The following LARP4B variants were observed in gnomAD, a reference collection of about 807,000 sequenced individuals.
The protein encoded by LARP4B is La ribonucleoprotein 4B.
Under a neutral mutation model 89.8 loss-of-function variants are expected in LARP4B, and 12 were observed. The observed-to-expected ratio is 0.13, with a 90% CI of 0.09 to 0.22. The LOEUF (loss-of-function observed/expected upper bound fraction) is 0.22, where lower values mean the gene tolerates loss of function less well. LARP4B is among the 10% of genes least tolerant of loss of function. LARP4B has a pLI of 1.00. For missense variants in LARP4B, 757 were observed against 947.7 expected (o/e 0.80, Z 2.64); for synonymous variants, 367 against 363.3 (o/e 1.01, Z -0.12).
At chr10:906,633 CA>C (rs1836500684) in intron 1 of LARP4B, among the ~76,000 whole-genome samples, 1 of 152,228 alleles carries the variant, frequency 6.6e-6, no homozygotes, top group South Asian at 2.1e-4. Flanking sequence ...TGTTCACAAC[CA>C]TATGCTCAGT....
At chr10:938,587 A>T in the LARP4B span, among the ~76,000 whole-genome samples, 1 of 152,196 alleles carries the variant, frequency 6.6e-6, no homozygotes, top group Admixed American at 6.5e-5. Context: ...GTGTAAGAGA[A>T]TGTCTTTTAT....
At chr10:875,971 A>C (rs1183097281) in intron 3 of LARP4B, among the ~76,000 whole-genome samples, 2 of 152,224 alleles carry the variant, frequency 1.3e-5, no homozygotes, top group African/African-American at 4.8e-5. Context: ...GTCTCATCTG[A>C]ATCAGATAGG....
chr10:975,314 T>C, the LARP4B span, among the ~76,000 whole-genome samples: 1 of 152,138 alleles, frequency 6.6e-6, no homozygotes, highest in Admixed American at 6.5e-5. Flanking sequence ...GATGCAGCAA[T>C]AGTGACATGT....
chr10:812,945 G>A lies in LARP4B; in HGVS notation c.2198C>T (p.Pro733Leu), dbSNP rs142589913. 1.9e-6 allele frequency: 3 copies of A among 1,549,778 alleles called. No homozygotes were observed. The highest frequency in any genetic ancestry group is 2.2e-5 in the East Asian group (1 of 44,510). The stretch of plus-strand genomic sequence containing the variant: ...CGGTTTTCACTGAGGAGACTTGGGG[G>A]GAGTGCTCTGCTCTCGGCTGAGACG... ...GKRLSREQSTPPKSPQ is the reference protein window; with the variant it reads ...GKRLSREQSTLPKSPQ The change falls in exon 18 of 18, where the codon CCC becomes CTC. Residue 733 changes from proline (P) to leucine (L), a missense_variant. By Grantham distance (98) the Pro-to-Leu change is moderately conservative (BLOSUM62 -3). Coordinates refer to ENST00000316157, the MANE Select transcript of LARP4B (RefSeq NM_015155.3).
At chr10:808,362 G>A (rs1346143974), downstream of LARP4B, 1 of 152,260 alleles carries the variant, frequency 6.6e-6, no homozygotes, top group Admixed American at 6.5e-5. Context: ...TAAGGACAAG[G>A]GAGAGGCTGG....
the LARP4B span, among the ~76,000 whole-genome samples, chr10:977,175 A>G: frequency 6.6e-6 from 1 of 152,112 alleles, no homozygotes; most frequent in African/African-American, 2.4e-5. Context: ...ATTTTTACAG[A>G]CAGGGTCTGG....
At chr10:905,467 GGA>G (rs1394201966) in intron 1 of LARP4B, among the ~76,000 whole-genome samples, 2 of 152,120 alleles carry the variant, frequency 1.3e-5, no homozygotes, top group Admixed American at 6.6e-5. Flanking sequence ...GTCAAGACAA[GGA>G]ATCTAAATAG....
At chr10:876,138 C>T (rs1835441646) in intron 3 of LARP4B, among the ~76,000 whole-genome samples, 1 of 152,184 alleles carries the variant, frequency 6.6e-6, no homozygotes, top group Non-Finnish European at 1.5e-5. Context: ...GTAATCCCAA[C>T]ACTTAGGGAG....
At chr10:828,670 A>G (rs1457214668) in intron 11 of LARP4B, among the ~76,000 whole-genome samples, 1 of 152,190 alleles carries the variant, frequency 6.6e-6, no homozygotes, top group African/African-American at 2.4e-5. Context: ...CTACCCTTCA[A>G]TCTCTCCAAT....
intron 15 of LARP4B, among the ~76,000 whole-genome samples, chr10:817,270 C>T (rs994092736): frequency 2.0e-5 from 3 of 152,222 alleles, no homozygotes; most frequent in Non-Finnish European, 2.9e-5. Flanking sequence ...CCTCGTGGGG[C>T]AGCCCAGACC....
the LARP4B span, among the ~76,000 whole-genome samples, chr10:957,128 A>G: frequency 6.6e-6 from 1 of 152,108 alleles, no homozygotes; most frequent in African/African-American, 2.4e-5. Flanking sequence ...CTTCCGGGGA[A>G]TCTGGTCCTT....
chr10:982,116 C>CTTTTTTTTTTT, the LARP4B span, among the ~76,000 whole-genome samples: 1 of 46,008 alleles, frequency 2.2e-5, no homozygotes, highest in Non-Finnish European at 4.3e-5. Flanking sequence ...TTCTTTCTTT[C>CTTTTTTTTTTT]TTTTTTTTTT....
intron 1 of LARP4B, among the ~76,000 whole-genome samples, chr10:931,072 A>C (rs1217336841): frequency 7.1e-6 from 1 of 141,646 alleles, no homozygotes; most frequent in African/African-American, 2.7e-5. Flanking sequence ...AGCTCCGTCG[A>C]CTCCCGCCTC....
intron 1 of LARP4B, chr10:903,635 GCACCTTGTAGAGTA>G (rs1836403896): frequency 6.6e-6 from 1 of 152,210 alleles, no homozygotes; most frequent in African/African-American, 2.4e-5. Flanking sequence ...CGTCAGGAAT[GCACCTTGTAGAGTA>G]CACCGCTTCA....
chr10:838,883 G>A (rs1425747676), intron 7 of LARP4B, among the ~76,000 whole-genome samples: 1 of 152,202 alleles, frequency 6.6e-6, no homozygotes, highest in Non-Finnish European at 1.5e-5. Flanking sequence ...GTGGGTAGAT[G>A]GATAAGCAAA....
intron 11 of LARP4B, among the ~76,000 whole-genome samples, chr10:828,886 T>C (rs2131655059): frequency 6.6e-6 from 1 of 152,294 alleles, no homozygotes; most frequent in African/African-American, 2.4e-5. Context: ...AGACAATGTC[T>C]AGATCCAGTA....
At chr10:965,220 T>C in the LARP4B span, among the ~76,000 whole-genome samples, 1 of 152,250 alleles carries the variant, frequency 6.6e-6, no homozygotes, top group South Asian at 2.1e-4. Context: ...AAGGCCGGGC[T>C]GAGGGCCCCG....
the LARP4B span, chr10:942,797 C>T: frequency 9.2e-5 from 14 of 152,310 alleles, no homozygotes; most frequent in African/African-American, 3.1e-4. Context: ...AAATCTCACT[C>T]TGAGGGGAGC....
At chr10:959,917 C>T in the LARP4B span, among the ~76,000 whole-genome samples, 1 of 151,464 alleles carries the variant, frequency 6.6e-6, no homozygotes, top group East Asian at 2.0e-4. Context: ...CCCACCTCCT[C>T]CTCAATCCCA....
Sources: gnomAD v4.1 joint callset for allele counts (sites outside exome capture counted in the v4.1 genomes callset) on GRCh38, gnomAD v4.1.1 for gene constraint, MANE v1.5 for transcripts, NCBI Gene and HGNC (gene_info 2026-07-23, HGNC 2026-07-21) for gene names.